The following CTNNBL1 variants were observed in gnomAD, a reference collection of about 807,000 sequenced individuals.
CTNNBL1 encodes beta-catenin-like protein 1.
In CTNNBL1, 31 loss-of-function variants were observed where a neutral mutation model predicts 72.7. The observed-to-expected ratio is 0.43, with a 90% confidence interval of 0.32 to 0.58. The LOEUF (loss-of-function observed/expected upper bound fraction) is 0.58. Among genes scored for constraint, CTNNBL1 ranks in the 20% least tolerant of loss-of-function variants. The pLI, the probability that CTNNBL1 is intolerant of heterozygous loss-of-function variation, is 0.08. For synonymous variants in CTNNBL1, 240 were observed against 267.3 expected (o/e 0.90, Z 1.00); for missense variants, 534 against 725.1 (o/e 0.74, Z 3.03).
intron 1 of CTNNBL1, among the ~76,000 whole-genome samples, chr20:37,732,241 C>A (rs970557327): frequency 6.6e-6 from 1 of 152,188 alleles, no homozygotes; most frequent in Non-Finnish European, 1.5e-5. Context: ...GTCCTTTGCC[C>A]AGGCTCTGGG....
intron 11 of CTNNBL1, among the ~76,000 whole-genome samples, chr20:37,825,536 G>T (rs981863141): frequency 6.6e-5 from 10 of 152,064 alleles, no homozygotes; most frequent in Non-Finnish European, 1.5e-4. Context: ...TTAGCTGGGC[G>T]TGGTGGTGGG....
intron 13 of CTNNBL1, among the ~76,000 whole-genome samples, chr20:37,858,729 T>G (rs1246832509): frequency 6.6e-6 from 1 of 152,206 alleles, no homozygotes. Context: ...GTTTTTTGTT[T>G]TTGTTTTTGT....
intron 13 of CTNNBL1, among the ~76,000 whole-genome samples, chr20:37,859,451 G>A (rs1032470336): frequency 6.6e-5 from 10 of 151,954 alleles, no homozygotes; most frequent in African/African-American, 1.7e-4. Flanking sequence ...AGTTTCTACT[G>A]CATGCCTGTC....
intron 15 of CTNNBL1, among the ~76,000 whole-genome samples, chr20:37,866,594 T>C (rs540108166): frequency 5.0e-4 from 76 of 152,206 alleles, no homozygotes; most frequent in Non-Finnish European, 8.7e-4. Context: ...TTTATTGTTA[T>C]AATTAGTGTC....
At chr20:37,810,631 G>C (rs2072003494) in intron 11 of CTNNBL1, among the ~76,000 whole-genome samples, 1 of 152,194 alleles carries the variant, frequency 6.6e-6, no homozygotes, top group Non-Finnish European at 1.5e-5. Flanking sequence ...AAGAAGCCCA[G>C]AGAAAGGAGT....
intron 10 of CTNNBL1, among the ~76,000 whole-genome samples, chr20:37,785,784 G>T (rs571352205): frequency 6.6e-6 from 1 of 152,236 alleles, no homozygotes; most frequent in Non-Finnish European, 1.5e-5. Context: ...TTTCTTGGAC[G>T]GTCTTGATGC....
intron 1 of CTNNBL1, among the ~76,000 whole-genome samples, chr20:37,702,311 GTAT>G (rs1164753245): frequency 6.6e-6 from 1 of 152,144 alleles, no homozygotes; most frequent in Admixed American, 6.5e-5. Context: ...TTTATCATTT[GTAT>G]TATTATGTGC....
At chr20:37,715,502 A>T (rs1418943227) in intron 1 of CTNNBL1, among the ~76,000 whole-genome samples, 1 of 152,246 alleles carries the variant, frequency 6.6e-6, no homozygotes, top group African/African-American at 2.4e-5. Flanking sequence ...TGTAAACCCC[A>T]CAATGCTGTG....
intron 13 of CTNNBL1, among the ~76,000 whole-genome samples, chr20:37,853,903 A>C (rs1047433967): frequency 6.6e-6 from 1 of 152,258 alleles, no homozygotes; most frequent in Non-Finnish European, 1.5e-5. Context: ...ACAACAGTCA[A>C]CTTCACTGCA....
chr20:37,710,710 T>A (rs1048040063), intron 1 of CTNNBL1, among the ~76,000 whole-genome samples: 5 of 152,170 alleles, frequency 3.3e-5, no homozygotes, highest in Non-Finnish European at 7.4e-5. Context: ...TCATGATGCT[T>A]ATCTTTCTGG....
At chr20:37,809,181 GA>G (rs1555830395) in intron 11 of CTNNBL1, among the ~76,000 whole-genome samples, 3 of 151,984 alleles carry the variant, frequency 2.0e-5, no homozygotes, top group Non-Finnish European at 4.4e-5. Context: ...AGACATGGGG[GA>G]AAAAGCAATT....
intron 11 of CTNNBL1, among the ~76,000 whole-genome samples, chr20:37,833,741 A>G (rs1010397054): frequency 1.3e-5 from 2 of 152,196 alleles, no homozygotes; most frequent in African/African-American, 2.4e-5. Flanking sequence ...GCAGCTGAGC[A>G]GTGTTGGCCA....
chr20:37,822,068 C>T (rs189725669), intron 11 of CTNNBL1, among the ~76,000 whole-genome samples: 150 of 152,184 alleles, frequency 9.9e-4, no homozygotes, highest in African/African-American at 3.5e-3. Flanking sequence ...AGGAAGTGTG[C>T]CTTTCTGATT....
intron 10 of CTNNBL1, among the ~76,000 whole-genome samples, chr20:37,793,011 T>C (rs1438956235): frequency 2.6e-5 from 4 of 152,248 alleles, no homozygotes; most frequent in African/African-American, 9.6e-5. Context: ...GAACATACTT[T>C]GATTTCAGCC....
chr20:37,831,437 C>T (rs920478294), intron 11 of CTNNBL1, among the ~76,000 whole-genome samples: 2 of 151,776 alleles, frequency 1.3e-5, no homozygotes, highest in African/African-American at 4.8e-5. Context: ...GCGATCTCGG[C>T]TCACTGTAAG....
chr20:37,836,718 C>G (rs2072257682), intron 11 of CTNNBL1, among the ~76,000 whole-genome samples: 1 of 152,194 alleles, frequency 6.6e-6, no homozygotes, highest in African/African-American at 2.4e-5. Context: ...TCAGCACTTG[C>G]TAGGCACAGA....
chr20:37,799,392 G>A (rs1405772495), intron 10 of CTNNBL1, among the ~76,000 whole-genome samples: 3 of 152,080 alleles, frequency 2.0e-5, no homozygotes, highest in East Asian at 1.9e-4. Flanking sequence ...TGGCCATTCG[G>A]AACTACCTCT....
chr20:37,814,120 C>G (rs1410578719), intron 11 of CTNNBL1, among the ~76,000 whole-genome samples: 1 of 152,140 alleles, frequency 6.6e-6, no homozygotes. Flanking sequence ...TAGTACCTGG[C>G]CTTCCTAGGA....
At chr20:37,859,630 A>G (rs1321893143) in intron 13 of CTNNBL1, among the ~76,000 whole-genome samples, 8 of 146,980 alleles carry the variant, frequency 5.4e-5, no homozygotes, top group Non-Finnish European at 9.0e-5. Flanking sequence ...AGCTTTTTTT[A>G]TATGTGGATG....
Sources: allele counts gnomAD v4.1 joint callset (sites outside exome capture counted in the v4.1 genomes callset), GRCh38; gene constraint gnomAD v4.1.1; transcripts MANE v1.5; gene names NCBI Gene and HGNC (gene_info 2026-07-23, HGNC 2026-07-21).